ENTREP2: variants seen among roughly 807,000 people sequenced by gnomAD.
The protein encoded by ENTREP2 is endosomal transmembrane epsin interactor 2.
chr15:29,170,253 A>G, the ENTREP2 span, among the ~76,000 whole-genome samples: 1 of 138,020 alleles, frequency 7.2e-6, no homozygotes, highest in Non-Finnish European at 1.5e-5. Flanking sequence ...GCTTGCAGTG[A>G]GCTGAGATCG....
At chr15:29,387,928 G>A in the ENTREP2 span, among the ~76,000 whole-genome samples, 1 of 152,190 alleles carries the variant, frequency 6.6e-6, no homozygotes, top group African/African-American at 2.4e-5. Context: ...GTAGAAAGCT[G>A]AAACTGGATC....
At chr15:29,263,925 G>A in the ENTREP2 span, among the ~76,000 whole-genome samples, 81,491 of 151,704 alleles carry the variant, frequency 0.54, 22,576 homozygotes, top group South Asian at 0.63. Context: ...TTGGGAGGCC[G>A]AAGTGGATCA....
the ENTREP2 span, among the ~76,000 whole-genome samples, chr15:29,484,738 C>T: frequency 6.6e-6 from 1 of 152,156 alleles, no homozygotes; most frequent in African/African-American, 2.4e-5. Flanking sequence ...GCCTGCCACA[C>T]CTTAACCCAT....
chr15:29,570,648 G>A, the ENTREP2 span: 4 of 1,355,872 alleles, frequency 3.0e-6, no homozygotes, highest in South Asian at 1.6e-5. Context: ...GAGCGGCCCG[G>A]GCACTCGCGC....
At chr15:29,134,879 C>T in the ENTREP2 span, among the ~76,000 whole-genome samples, 1 of 152,132 alleles carries the variant, frequency 6.6e-6, no homozygotes, top group Non-Finnish European at 1.5e-5. Flanking sequence ...AAGGTCTGAA[C>T]CCTGTGCTAG....
the ENTREP2 span, among the ~76,000 whole-genome samples, chr15:29,184,067 C>A: frequency 6.6e-6 from 1 of 152,028 alleles, no homozygotes; most frequent in Non-Finnish European, 1.5e-5. Context: ...TGCATGCAGC[C>A]TCAACCTCTC....
chr15:29,570,399 C>G, the ENTREP2 span: 9 of 659,596 alleles, frequency 1.4e-5, no homozygotes, highest in Admixed American at 4.8e-5. Context: ...CCGGCGTTGG[C>G]CGCCGGAACT....
the ENTREP2 span, among the ~76,000 whole-genome samples, chr15:29,458,665 C>G: frequency 6.6e-6 from 1 of 152,208 alleles, no homozygotes; most frequent in South Asian, 2.1e-4. Flanking sequence ...CCAACTTCTC[C>G]AGCACCATAA....
At chr15:29,132,003 C>T in the ENTREP2 span, among the ~76,000 whole-genome samples, 1 of 140,128 alleles carries the variant, frequency 7.1e-6, no homozygotes, top group Non-Finnish European at 1.6e-5. Context: ...ACGGAGCCCA[C>T]CCTCGTGGAG....
the ENTREP2 span, among the ~76,000 whole-genome samples, chr15:29,337,994 A>C: frequency 7.8e-4 from 119 of 152,234 alleles, 1 homozygote; most frequent in East Asian, 7.4e-3. Context: ...GGTGACAACA[A>C]CACCTTCTTT....
chr15:29,416,662 T>G, the ENTREP2 span, among the ~76,000 whole-genome samples: 1 of 151,918 alleles, frequency 6.6e-6, no homozygotes, highest in African/African-American at 2.4e-5. Context: ...CTAATTAAAC[T>G]AAAGAGCTTC....
At chr15:29,410,953 T>C in the ENTREP2 span, among the ~76,000 whole-genome samples, 2 of 152,122 alleles carry the variant, frequency 1.3e-5, no homozygotes, top group African/African-American at 4.8e-5. Flanking sequence ...GCCCAGCTAA[T>C]TTTTTTATTT....
At chr15:29,656,418 A>G in the ENTREP2 span, among the ~76,000 whole-genome samples, 3,448 of 152,158 alleles carry the variant, frequency 0.023, 137 homozygotes, top group African/African-American at 0.079. Flanking sequence ...ATAGACACGA[A>G]GTTTCACTAG....
At chr15:29,654,318 A>T in the ENTREP2 span, among the ~76,000 whole-genome samples, 1 of 152,202 alleles carries the variant, frequency 6.6e-6, no homozygotes, top group Non-Finnish European at 1.5e-5. Context: ...TAAAATTTGG[A>T]CCAATTACCA....
the ENTREP2 span, among the ~76,000 whole-genome samples, chr15:29,355,021 A>C: frequency 1.3e-5 from 2 of 152,078 alleles, no homozygotes; most frequent in Non-Finnish European, 2.9e-5. Context: ...TGGGCAAGGC[A>C]TGGCAACTGG....
the ENTREP2 span, among the ~76,000 whole-genome samples, chr15:29,239,593 A>T: frequency 6.6e-6 from 1 of 152,208 alleles, no homozygotes; most frequent in Non-Finnish European, 1.5e-5. Flanking sequence ...CACAGCTGGG[A>T]TCAGGGCTAA....
chr15:29,343,829 T>A, the ENTREP2 span, among the ~76,000 whole-genome samples: 3 of 152,012 alleles, frequency 2.0e-5, no homozygotes, highest in South Asian at 6.2e-4. Flanking sequence ...TGGGGCAAAA[T>A]CAACTTTTAG....
the ENTREP2 span, among the ~76,000 whole-genome samples, chr15:29,176,108 C>T: frequency 6.6e-6 from 1 of 152,228 alleles, no homozygotes. Flanking sequence ...TCTTATTAGC[C>T]TTTCGCCTCT....
At chr15:29,333,304 CTGAGCTG>C in the ENTREP2 span, among the ~76,000 whole-genome samples, 1 of 152,176 alleles carries the variant, frequency 6.6e-6, no homozygotes, top group Non-Finnish European at 1.5e-5. Flanking sequence ...CCTCTGACCT[CTGAGCTG>C]AGAAAAGTGA....
Sources: gnomAD v4.1 joint callset for allele counts (sites outside exome capture counted in the v4.1 genomes callset) on GRCh38, gnomAD v4.1.1 for gene constraint, MANE v1.5 for transcripts, NCBI Gene and HGNC (gene_info 2026-07-23, HGNC 2026-07-21) for gene names.